Variants in FAM47E observed in about 807,000 individuals in gnomAD.
FAM47E encodes the protein family with sequence similarity 47 member E, also known as protein FAM47E.
Under a neutral mutation model 41.6 loss-of-function variants are expected in FAM47E, and 32 were observed. That is an observed-to-expected ratio of 0.77 (90% CI 0.58 to 1.03). The LOEUF is 1.03. FAM47E is among the 50% of genes least tolerant of loss of function. FAM47E has a pLI of 0.00. For missense variants in FAM47E, 424 were observed against 485.4 expected (o/e 0.87, Z 1.19); for synonymous variants, 184 against 188.7 (o/e 0.98, Z 0.20).
chr4:76,236,596 G>C (rs1733589810), intron 2 of FAM47E: 1 of 148,238 alleles, frequency 6.7e-6, no homozygotes, highest in Admixed American at 6.9e-5. Context: ...ACACATTAGA[G>C]AGACATGAGA....
At chr4:76,251,649 T>C (rs1407860571), upstream of FAM47E, 6 of 1,351,078 alleles carry the variant, frequency 4.4e-6, no homozygotes, top group African/African-American at 7.7e-5. Context: ...CCGGGGCAAA[T>C]ACCGGCAGCG....
At chr4:76,278,270 A>AAATCTCAGTATAAATACATAC (rs1159777466) in intron 6 of FAM47E, 46 bp downstream of exon 6, 22 of 1,437,538 alleles carry the variant, frequency 1.5e-5, no homozygotes, top group Non-Finnish European at 1.6e-5. Flanking sequence ...TCAGATGATC[A>AAATCTCAGTATAAATACATAC]CAGTGCATCT....
At chr4:76,254,602 G>C (rs573850926) in intron 1 of FAM47E, among the ~76,000 whole-genome samples, 1 of 152,236 alleles carries the variant, frequency 6.6e-6, no homozygotes, top group African/African-American at 2.4e-5. Flanking sequence ...AAGTTTCTAG[G>C]ACTCACTAGA....
At chr4:76,276,832 C>A (rs1259900831) in intron 5 of FAM47E, among the ~76,000 whole-genome samples, 1 of 152,150 alleles carries the variant, frequency 6.6e-6, no homozygotes, top group South Asian at 2.1e-4. Flanking sequence ...TCTGTATGCT[C>A]GGAACAGAGA....
At chr4:76,256,610 G>T in intron 2 of FAM47E, 87 bp downstream of exon 2, 8 of 1,406,366 alleles carry the variant, frequency 5.7e-6, no homozygotes, top group Non-Finnish European at 7.6e-6. Flanking sequence ...CCCATGAGAG[G>T]GTGACATATT....
Position 76,278,203 on chromosome 4 carries a change from TA to T in FAM47E, c.1010del (p.Lys337ArgfsTer24). On this transcript the variant is annotated frameshift_variant, in exon 6 of 8. Coordinates refer to ENST00000424749, the MANE Select transcript of FAM47E (RefSeq NM_001136570.3). LOFTEE classifies it high-confidence loss of function. ...CACATAAGGCTCAAGAGGAGAATTT[TA>T]AAAAGGAGCTGCAGGAACAGGTATG... is the stretch of plus-strand genomic sequence containing the variant. ...VSHKAQEENF[K>X]KELQEQEELL... 6.5e-7 allele frequency: 1 copy of T among 1,541,372 alleles called. No homozygotes were observed.
chr4:76,251,421 T>G (rs1183429510), upstream of FAM47E, among the ~76,000 whole-genome samples: 7 of 152,196 alleles, frequency 4.6e-5, no homozygotes, highest in Non-Finnish European at 8.8e-5. Flanking sequence ...TCTTCCTTTC[T>G]TTCCTTCAGT....
At chr4:76,255,330 G>A (rs1182112342) in intron 1 of FAM47E, among the ~76,000 whole-genome samples, 3 of 152,102 alleles carry the variant, frequency 2.0e-5, no homozygotes, top group Admixed American at 1.3e-4. Flanking sequence ...CTAATTCATA[G>A]GGTTGTTATG....
At chr4:76,272,049 G>T (rs973593940) in intron 5 of FAM47E, among the ~76,000 whole-genome samples, 3 of 152,202 alleles carry the variant, frequency 2.0e-5, no homozygotes, top group Non-Finnish European at 4.4e-5. Flanking sequence ...CTAAAAGTCA[G>T]TAGAAATATA....
chr4:76,271,761 AACC>A lies in FAM47E; in HGVS notation c.866_868del (p.Pro289del). The A allele has an allele frequency of 6.4e-7, 1 of 1,551,280 alleles. No individual in the cohort carries two copies. Among genetic ancestry groups the A allele is most frequent in the Admixed American group, 2.0e-5 (1 of 50,928 alleles). ...CTAGGCTATGAGAGGAAACTCCAGA[AACC>A]ACAGGTAATTGCAGAAGGGGACCAG... is the stretch of plus-strand genomic sequence containing the variant. On this transcript the variant is annotated inframe_deletion, in exon 5 of 8. Coordinates refer to ENST00000424749, the MANE Select transcript of FAM47E (RefSeq NM_001136570.3).
chr4:76,221,958 T>C (rs1261574551), intron 2 of FAM47E, among the ~76,000 whole-genome samples: 1 of 152,222 alleles, frequency 6.6e-6, no homozygotes, highest in African/African-American at 2.4e-5. Flanking sequence ...CCACATGATG[T>C]TGTGGAATTC....
rs1384163459 is a variant in FAM47E, at chr4:76,281,330, G to A, written c.1104+989G>A. ...ATCAGGCAAGTCTAGAGCATGAGAT[G>A]GAGATTTGAGACTGGGAAACTCCAT... On this transcript the variant is annotated intron_variant, in intron 7 of 7. Coordinates refer to ENST00000424749, the MANE Select transcript of FAM47E (RefSeq NM_001136570.3). 3 of 152,266 alleles carry A rather than the reference G, an allele frequency of 2.0e-5. No homozygotes were observed. The East Asian group carries it at 5.8e-4, about 29-fold the overall frequency. The allele number at this position is 152,266 out of a possible 1,614,324, so 9.4% of individuals were successfully genotyped here.
intron 2 of FAM47E, among the ~76,000 whole-genome samples, chr4:76,241,933 T>C (rs1733720751): frequency 1.3e-5 from 2 of 152,218 alleles, no homozygotes; most frequent in Admixed American, 6.5e-5. Flanking sequence ...GTCCCTCATC[T>C]GAGCAGCTTG....
intron 6 of FAM47E, chr4:76,279,559 A>C (rs1735263701): frequency 6.6e-6 from 1 of 152,244 alleles, no homozygotes. Context: ...GGGAGGATGC[A>C]TAACAATGGA....
At chr4:76,239,346 A>G (rs990900248) in intron 2 of FAM47E, among the ~76,000 whole-genome samples, 14 of 152,158 alleles carry the variant, frequency 9.2e-5, no homozygotes, top group African/African-American at 3.1e-4. Flanking sequence ...ATTCCCACCA[A>G]CAGTGCATAA....
intron 5 of FAM47E, among the ~76,000 whole-genome samples, chr4:76,273,696 T>G (rs781706917): frequency 5.9e-5 from 9 of 152,088 alleles, no homozygotes; most frequent in Non-Finnish European, 1.2e-4. Context: ...GGACTATATT[T>G]CTTCAAACTT....
rs1178800488 is a variant in FAM47E, at chr4:76,283,449, T to G, written c.1173T>G (p.Thr391=). ...RACNKTPIKR[T]QA The stretch of plus-strand genomic sequence containing the variant: ...GTAATAAGACTCCTATAAAACGAAC[T>G]CAAGCATAGAAGAATCGTAGGAGAA... The change falls in exon 8 of 8, where the codon ACT becomes ACG. Residue 391 remains threonine (T), a synonymous_variant. Coordinates refer to ENST00000424749, the MANE Select transcript of FAM47E (RefSeq NM_001136570.3). The G allele has an allele frequency of 2.0e-6, 3 of 1,535,808 alleles. No individual in the cohort carries two copies. The African/African-American group carries it at 4.1e-5, about 21-fold the overall frequency.
At chr4:76,265,081 A>C (rs1187726204) in intron 3 of FAM47E, among the ~76,000 whole-genome samples, 1 of 152,112 alleles carries the variant, frequency 6.6e-6, no homozygotes, top group African/African-American at 2.4e-5. Context: ...ATTTAGAGGG[A>C]ATCTACTGCA....
At chr4:76,238,713 TA>T (rs1013242694) in intron 2 of FAM47E, among the ~76,000 whole-genome samples, 36 of 152,238 alleles carry the variant, frequency 2.4e-4, no homozygotes, top group African/African-American at 8.4e-4. Context: ...AGACAACATT[TA>T]AAAAAACTTT....
Sources: gnomAD v4.1 joint callset for allele counts (sites outside exome capture counted in the v4.1 genomes callset) on GRCh38, gnomAD v4.1.1 for gene constraint, MANE v1.5 for transcripts, NCBI Gene and HGNC (gene_info 2026-07-23, HGNC 2026-07-21) for gene names.